HECW1: variants seen among roughly 807,000 people sequenced by gnomAD.
HECW1 encodes the protein E3 ubiquitin-protein ligase HECW1.
A neutral mutation model predicts 182.3 loss-of-function variants in HECW1; 61 were observed. The ratio of observed to expected loss-of-function variants is 0.33; its 90% confidence interval spans 0.27 to 0.41. The LOEUF (loss-of-function observed/expected upper bound fraction) is 0.41. Among genes scored for constraint, HECW1 ranks in the 10% least tolerant of loss-of-function variants. HECW1 has a pLI of 1.00. For missense variants in HECW1, 1,739 were observed against 2,108.9 expected (o/e 0.82, Z 3.44); for synonymous variants, 859 against 832.6 (o/e 1.03, Z -0.55).
At chr7:43,454,530 T>C (rs1214417448) in intron 12 of HECW1, among the ~76,000 whole-genome samples, 1 of 152,230 alleles carries the variant, frequency 6.6e-6, no homozygotes, top group Non-Finnish European at 1.5e-5. Context: ...AATCATTAGA[T>C]CTATTTTAAT....
At chr7:43,141,031 A>C (rs1788095662) in intron 2 of HECW1, among the ~76,000 whole-genome samples, 1 of 152,198 alleles carries the variant, frequency 6.6e-6, no homozygotes, top group South Asian at 2.1e-4. Flanking sequence ...GTGTCTTAAT[A>C]CAGCCATGCG....
intron 8 of HECW1, among the ~76,000 whole-genome samples, chr7:43,418,290 C>T (rs1442190191): frequency 6.6e-6 from 1 of 152,220 alleles, no homozygotes; most frequent in Non-Finnish European, 1.5e-5. Flanking sequence ...CTTCAGCATA[C>T]CTGTTGAGGG....
intron 2 of HECW1, among the ~76,000 whole-genome samples, chr7:43,242,642 G>A (rs777838111): frequency 1.3e-5 from 2 of 152,172 alleles, no homozygotes; most frequent in South Asian, 2.1e-4. Context: ...GAGAGTTGGC[G>A]ATGTTCACAT....
chr7:43,291,743 C>T (rs1236909244), intron 3 of HECW1, among the ~76,000 whole-genome samples: 1 of 152,152 alleles, frequency 6.6e-6, no homozygotes, highest in Non-Finnish European at 1.5e-5. Flanking sequence ...TTAACATTAA[C>T]AAGAGAAAAA....
At chr7:43,555,703 T>A (rs113993680) in intron 29 of HECW1, among the ~76,000 whole-genome samples, 197 of 152,340 alleles carry the variant, frequency 1.3e-3, no homozygotes, top group African/African-American at 4.5e-3. Context: ...CTGGTGTCGG[T>A]CAGCATTCAT....
chr7:43,282,465 A>G (rs1384152915), intron 3 of HECW1, among the ~76,000 whole-genome samples: 2 of 152,226 alleles, frequency 1.3e-5, no homozygotes, highest in African/African-American at 4.8e-5. Flanking sequence ...CCTAGTGTTC[A>G]GTGTTCACAG....
intron 2 of HECW1, among the ~76,000 whole-genome samples, chr7:43,194,223 T>G (rs182047475): frequency 4.0e-4 from 61 of 152,222 alleles, no homozygotes; most frequent in Non-Finnish European, 7.1e-4. Context: ...GTCAGTTGAG[T>G]GGCTTGGAAT....
intron 2 of HECW1, among the ~76,000 whole-genome samples, chr7:43,133,890 G>A (rs1787228481): frequency 6.6e-6 from 1 of 151,764 alleles, no homozygotes; most frequent in South Asian, 2.1e-4. Flanking sequence ...TTCCCATCTT[G>A]GCATGTCAAT....
chr7:43,451,011 C>A, intron 12 of HECW1, 82 bp downstream of exon 12: 1 of 960,066 alleles, frequency 1.0e-6, no homozygotes. Context: ...GTGTAAACAT[C>A]TAAAGTCTTT....
At chr7:43,142,069 A>G (rs1399813308) in intron 2 of HECW1, among the ~76,000 whole-genome samples, 2 of 152,182 alleles carry the variant, frequency 1.3e-5, no homozygotes, top group East Asian at 3.9e-4. Flanking sequence ...TGCATTCCAC[A>G]TTCTCTATGA....
intron 3 of HECW1, among the ~76,000 whole-genome samples, chr7:43,304,457 C>CAGTT (rs1184109650): frequency 1.4e-5 from 2 of 145,452 alleles, no homozygotes; most frequent in Non-Finnish European, 3.0e-5. Context: ...TCATTCAACA[C>CAGTT]AGTTATTTAT....
chr7:43,284,021 G>A (rs976598804), intron 3 of HECW1, among the ~76,000 whole-genome samples: 1 of 152,108 alleles, frequency 6.6e-6, no homozygotes, highest in African/African-American at 2.4e-5. Flanking sequence ...AGAGATGTGG[G>A]GATTGAGTCA....
intron 8 of HECW1, among the ~76,000 whole-genome samples, chr7:43,431,839 G>A (rs149734686): frequency 9.2e-5 from 14 of 151,474 alleles, no homozygotes; most frequent in Non-Finnish European, 1.9e-4. Flanking sequence ...CCCTCTACCT[G>A]GAATGTTCCT....
intron 16 of HECW1, among the ~76,000 whole-genome samples, chr7:43,473,127 G>A: frequency 6.6e-6 from 1 of 152,118 alleles, no homozygotes. Flanking sequence ...AGAGCTGGTT[G>A]TTAAAAACAG....
chr7:43,482,648 G>A (rs1475537488), intron 17 of HECW1, among the ~76,000 whole-genome samples: 1 of 152,172 alleles, frequency 6.6e-6, no homozygotes, highest in Non-Finnish European at 1.5e-5. Flanking sequence ...ACTCATGCCT[G>A]TAATGAAAAC....
intron 2 of HECW1, among the ~76,000 whole-genome samples, chr7:43,214,338 G>C (rs950976745): frequency 6.6e-6 from 1 of 152,002 alleles, no homozygotes; most frequent in Non-Finnish European, 1.5e-5. Flanking sequence ...AAGAATAAAA[G>C]AATGCCATCT....
rs139637225 is a variant in HECW1 at position 43,356,464 on chromosome 7, G to A, written c.461-4422G>A. On this transcript the variant is annotated intron_variant, in intron 5 of 29. Transcript: ENST00000395891. ...ACACTACAATATGATCATAATAGGGGACTTCAATACCCCACTCTCCATAAT... is the reference window on the plus strand; with the variant it reads ...ACACTACAATATGATCATAATAGGGAACTTCAATACCCCACTCTCCATAAT... 1.7e-3 allele frequency among the ~76,000 whole-genome samples: 262 copies of A among 152,192 alleles called. 1 individual carries two copies. The highest frequency in any genetic ancestry group is 5.7e-3 in the African/African-American group (238 of 41,542).
intron 21 of HECW1, among the ~76,000 whole-genome samples, chr7:43,505,543 C>A (rs2079544497): frequency 6.6e-6 from 1 of 152,210 alleles, no homozygotes; most frequent in Non-Finnish European, 1.5e-5. Flanking sequence ...TTTCATGCAG[C>A]TCCTGCCCAC....
At chr7:43,416,536 T>G (rs2076004668) in intron 8 of HECW1, among the ~76,000 whole-genome samples, 1 of 152,086 alleles carries the variant, frequency 6.6e-6, no homozygotes, top group South Asian at 2.1e-4. Flanking sequence ...GCAGGCCTCC[T>G]TGAGCTGTGG....
Sources: gnomAD v4.1 joint callset for allele counts (sites outside exome capture counted in the v4.1 genomes callset) on GRCh38, gnomAD v4.1.1 for gene constraint, MANE v1.5 for transcripts, NCBI Gene and HGNC (gene_info 2026-07-23, HGNC 2026-07-21) for gene names.